The following FRYL variants were observed in gnomAD, a reference collection of about 807,000 sequenced individuals.
FRYL encodes FRY like transcription coactivator, also known as protein furry homolog-like.
FRYL carries 150 observed loss-of-function variants against 351.2 expected under a neutral mutation model. That is an observed-to-expected ratio of 0.43 (90% CI 0.37 to 0.49). FRYL has a LOEUF of 0.49. Ranked by LOEUF, FRYL falls within the 20% of genes least tolerant of loss-of-function variation. FRYL has a pLI of 0.00. For synonymous variants in FRYL, 1,153 were observed against 1,257.1 expected, an observed-to-expected ratio of 0.92 and a Z score of 1.75; for missense variants, 3,036 against 3,619.3, an observed-to-expected ratio of 0.84 and a Z score of 4.13.
chr4:48,501,507 A>G lies in FRYL; in HGVS notation c.8592+116T>C, dbSNP rs1156904495. The G allele has an allele frequency of 1.6e-5, 11 of 676,064 alleles. No homozygotes were observed. The African/African-American group carries it at 2.0e-4, about 12-fold the overall frequency. The allele number at this position is 676,064 out of a possible 1,614,324, so 41.9% of individuals were successfully genotyped here. A position where few individuals can be genotyped will look rare whatever the true frequency, so the allele number is the denominator to read the frequency against. On this transcript the variant is annotated intron_variant, in intron 62 of 63. Coordinates refer to ENST00000358350, the MANE Select transcript of FRYL (RefSeq NM_015030.2). ...AAAAACAAATTATTCCTTAACTAAA[A>G]GAAAAAAGACTCACTCTAAGTGACT...
In FRYL at chr4:48,608,970, T is replaced by G. The variant is rs778826721; in HGVS notation, c.572+17A>C. 2 of 1,514,402 alleles carry G rather than the reference T, an allele frequency of 1.3e-6. No homozygotes were observed. The highest frequency in any genetic ancestry group is 2.7e-5 in the African/African-American group (2 of 72,988). 93.8% of individuals were successfully genotyped at this position (1,514,402 alleles called of 1,614,324 possible). A position where few individuals can be genotyped will look rare whatever the true frequency, so the allele number is the denominator to read the frequency against. The stretch of plus-strand genomic sequence containing the variant: ...AAAATGCAAAGAAAATCTAAATGGG[T>G]GATTTACAAAACTTACTTTGATTGG... On this transcript the variant is annotated intron_variant, in intron 9 of 63. Transcript: ENST00000358350.
At chr4:48,589,930 C>T (rs1177592275) in intron 17 of FRYL, 53 bp from the exon 18 acceptor site, 1 of 1,452,942 alleles carries the variant, frequency 6.9e-7, no homozygotes, top group Non-Finnish European at 9.5e-7. Context: ...ATAAAGAATA[C>T]TTACTTTCTG....
rs745679428 is a variant in FRYL, at chr4:48,544,881, T to G, written c.5303A>C (p.His1768Pro). The G allele has an allele frequency of 5.0e-6, 8 of 1,606,620 alleles. No individual in the cohort carries two copies. In the East Asian group the frequency reaches 1.1e-4, roughly 23 times the overall value. ...AGGATTCTTGGCAGAAACATCCTCA[T>G]GGTTCCAAAGGGGCCCTCTTTTTCT... Reference protein sequence around the residue: ...TSRKRGPLWNHEDVSAKNPSI... With the variant: ...TSRKRGPLWNPEDVSAKNPSI... The change falls in exon 43 of 64, where the codon CAT (histidine) becomes CCT (proline). Residue 1768 changes from histidine to proline, a missense_variant. By Grantham distance (77) the His-to-Pro change is moderately conservative. Transcript: ENST00000358350.
In FRYL at chr4:48,549,772, G is replaced by C; in HGVS notation, c.4634-149C>G. On this transcript the variant is annotated intron_variant, in intron 38 of 63. Transcript: ENST00000358350. The surrounding 1 kb of genome is among the most constrained non-coding windows in gnomAD (Gnocchi z 4.2). ...CAACATGTTTGCTAGGAAAATCTAG[G>C]CACAAATATTATCAAATTAAGCAAA... 1.6e-6 allele frequency: 1 copy of C among 607,562 alleles called. No individual in the cohort carries two copies. Among genetic ancestry groups the C allele is most frequent in the Admixed American group, 3.3e-5 (1 of 30,448 alleles). 37.6% of individuals were successfully genotyped at this position (607,562 alleles called of 1,614,324 possible).
chr4:48,589,910 C>T, intron 17 of FRYL, 33 bp from the exon 18 acceptor site: 5 of 1,541,806 alleles, frequency 3.2e-6, no homozygotes, highest in Non-Finnish European at 4.5e-6. Context: ...TATAAAATAT[C>T]TGAAATTAGA....
At chr4:48,761,438 C>A (rs562339060) in intron 1 of FRYL, among the ~76,000 whole-genome samples, 1 of 152,140 alleles carries the variant, frequency 6.6e-6, no homozygotes, top group African/African-American at 2.4e-5. Context: ...ATGCACTACT[C>A]ATGTGTCTGA....
Position 48,565,633 on chromosome 4 carries a change from C to T in FRYL, c.3228G>A (p.Leu1076=). ...TAAAAGGACCTGCCCAGTGACTGAA[C>T]AGCATAAATAGACTGTGACGAAGGC... ...QQSLRHSLFM[L]FSHWAGPFSI... Residue 1076 remains leucine, a synonymous_variant, in exon 29 of 64, where the codon CTG becomes CTA. Coordinates refer to ENST00000358350, the MANE Select transcript of FRYL (RefSeq NM_015030.2). The T allele has an allele frequency of 6.2e-7, 1 of 1,613,958 alleles. No homozygotes were observed. Among genetic ancestry groups the T allele is most frequent in the Non-Finnish European group, 8.5e-7 (1 of 1,179,964 alleles).
chr4:48,759,289 C>T (rs1774161745), intron 1 of FRYL, among the ~76,000 whole-genome samples: 4 of 151,964 alleles, frequency 2.6e-5, no homozygotes, highest in Admixed American at 2.6e-4. Flanking sequence ...AAAATGGACA[C>T]CTTTTTCTCA....
chr4:48,682,518 T>C (rs1389645912), intron 3 of FRYL, among the ~76,000 whole-genome samples: 1 of 152,140 alleles, frequency 6.6e-6, no homozygotes, highest in Admixed American at 6.5e-5. Flanking sequence ...AATCTATTCA[T>C]CTGACAAAGG....
chr4:48,595,669 A>G lies in FRYL; in HGVS notation c.1169T>C (p.Phe390Ser). 2 of 1,613,074 alleles carry G rather than the reference A, an allele frequency of 1.2e-6. No individual in the cohort carries two copies. Among genetic ancestry groups the G allele is most frequent in the Non-Finnish European group, 1.7e-6 (2 of 1,179,266 alleles). ...SRLMSIVSAL[F>S]PKGSRSVVPR... ...AACCACACTTCGTGAGCCTTTTGGA[A>G]AAAGTGCTGACACTATGCTCATAAG... is the stretch of plus-strand genomic sequence containing the variant. Residue 390 changes from phenylalanine to serine, a missense_variant, in exon 15 of 64, where the codon TTT becomes TCT. By Grantham distance (155) the Phe-to-Ser change is radical. This residue lies in a region of FRYL where 457 missense variants were observed against 566.6 expected (regional missense o/e 0.81). Transcript: ENST00000358350.
intron 62 of FRYL, 53 bp downstream of exon 62, chr4:48,501,570 T>TG: frequency 1.0e-6 from 1 of 979,354 alleles, no homozygotes; most frequent in Non-Finnish European, 1.6e-6. Context: ...TAGATTTTAT[T>TG]TTAAAATTTT....
intron 3 of FRYL, among the ~76,000 whole-genome samples, chr4:48,656,109 CATAT>C (rs1380652201): frequency 9.7e-6 from 1 of 103,228 alleles, no homozygotes; most frequent in East Asian, 2.9e-4. Context: ...ATATTGTATA[CATAT>C]ATACATAAAT....
chr4:48,712,160 C>T (rs2149592715), intron 1 of FRYL, among the ~76,000 whole-genome samples: 1 of 152,260 alleles, frequency 6.6e-6, no homozygotes, highest in Admixed American at 6.5e-5. Context: ...AAGCAGGGCA[C>T]CTCTCCTCCT....
At chr4:48,725,435 C>T (rs991541553) in intron 1 of FRYL, among the ~76,000 whole-genome samples, 2 of 152,212 alleles carry the variant, frequency 1.3e-5, no homozygotes, top group African/African-American at 2.4e-5. Context: ...AGTGTACAAC[C>T]GTATCCCCTT....
chr4:48,731,709 G>T (rs1056158504), intron 1 of FRYL, among the ~76,000 whole-genome samples: 1 of 152,170 alleles, frequency 6.6e-6, no homozygotes, highest in Non-Finnish European at 1.5e-5. Context: ...AATAAATGGT[G>T]TTGGGAAAAC....
chr4:48,592,973 A>G (rs528864562), intron 16 of FRYL, among the ~76,000 whole-genome samples: 2 of 152,312 alleles, frequency 1.3e-5, no homozygotes, highest in Non-Finnish European at 2.9e-5. Flanking sequence ...TATATCCTCA[A>G]ATGTAATTAG....
chr4:48,528,906 T>C (rs1726893293), intron 50 of FRYL, among the ~76,000 whole-genome samples: 1 of 151,792 alleles, frequency 6.6e-6, no homozygotes, highest in South Asian at 2.1e-4. Flanking sequence ...AACTCATTTA[T>C]ATTTGACTTT....
chr4:48,620,120 T>C (rs1279676901), intron 6 of FRYL, among the ~76,000 whole-genome samples: 1 of 152,180 alleles, frequency 6.6e-6, no homozygotes, highest in Non-Finnish European at 1.5e-5. Context: ...CACTAAACCA[T>C]GGACAATCAC....
intron 3 of FRYL, among the ~76,000 whole-genome samples, chr4:48,683,612 T>C (rs1764885303): frequency 6.6e-6 from 1 of 152,088 alleles, no homozygotes; most frequent in Non-Finnish European, 1.5e-5. Context: ...TTAATACAAA[T>C]CCTGTCTCAA....
Sources: gnomAD v4.1 joint callset for allele counts (sites outside exome capture counted in the v4.1 genomes callset) on GRCh38, gnomAD v4.1.1 for gene constraint, gnomAD v4.1.1 regional missense constraint, Gnocchi (gnomAD v3.1) non-coding constraint, MANE v1.5 for transcripts, NCBI Gene and HGNC (gene_info 2026-07-23, HGNC 2026-07-21) for gene names.